MAGI2: variants seen among roughly 807,000 people sequenced by gnomAD.
MAGI2 encodes membrane associated guanylate kinase, WW and PDZ domain containing 2.
A neutral mutation model predicts 133.3 loss-of-function variants in MAGI2; 35 were observed. That is an observed-to-expected ratio of 0.26 (90% CI 0.20 to 0.35). MAGI2 has a LOEUF of 0.35. MAGI2 is among the 10% of genes least tolerant of loss of function. The pLI is 1.00. For synonymous variants in MAGI2, 729 were observed against 710.6 expected (o/e 1.03, Z -0.41); for missense variants, 1,636 against 1,863.4 (o/e 0.88, Z 2.25).
chr7:78,317,106 C>G (rs1391949998), intron 9 of MAGI2, among the ~76,000 whole-genome samples: 1 of 152,120 alleles, frequency 6.6e-6, no homozygotes, highest in Admixed American at 6.5e-5. Flanking sequence ...CTGCATAAAA[C>G]AACTATTGCA....
intron 9 of MAGI2, among the ~76,000 whole-genome samples, chr7:78,302,819 G>C (rs1168686950): frequency 6.6e-6 from 1 of 152,092 alleles, no homozygotes; most frequent in Non-Finnish European, 1.5e-5. Context: ...CCCCAATTCA[G>C]CTGATGGCAA....
chr7:78,240,318 CT>C (rs1440697763), intron 10 of MAGI2, among the ~76,000 whole-genome samples: 2 of 151,944 alleles, frequency 1.3e-5, no homozygotes, highest in African/African-American at 2.4e-5. Context: ...TGAACTCATC[CT>C]TTTTTATGGC....
At chr7:79,038,455 T>TTGA (rs1811320772) in intron 1 of MAGI2, among the ~76,000 whole-genome samples, 1 of 152,216 alleles carries the variant, frequency 6.6e-6, no homozygotes, top group East Asian at 1.9e-4. Context: ...TAGAAGCCTC[T>TTGA]TTCAGTTCAC....
intron 6 of MAGI2, among the ~76,000 whole-genome samples, chr7:78,488,393 G>A (rs4996259): frequency 0.33 from 50,410 of 151,922 alleles, 8,913 homozygotes; most frequent in African/African-American, 0.44. Context: ...AAAGGTGCAA[G>A]ACAGCTGAGA....
chr7:79,072,587 T>C (rs1815087364), intron 1 of MAGI2, among the ~76,000 whole-genome samples: 1 of 152,186 alleles, frequency 6.6e-6, no homozygotes. Flanking sequence ...CAGAAAATAT[T>C]GCTAGAAGAC....
In MAGI2 at chr7:79,333,041, C is replaced by T. The variant is rs961208417; in HGVS notation, c.301+119979G>A. The stretch of plus-strand genomic sequence containing the variant: ...CGTGATTTGTCAGTATAGCTCTCAT[C>T]CAGTCCCACTACTGCCCACTTCCTC... On this transcript the variant is annotated intron_variant, in intron 1 of 21. Coordinates refer to ENST00000354212, the MANE Select transcript of MAGI2 (RefSeq NM_012301.4). Among the ~76,000 whole-genome samples, 7 of 152,174 alleles carry T rather than the reference C, an allele frequency of 4.6e-5. No individual in the cohort carries two copies. In the South Asian group the frequency reaches 6.2e-4, roughly 14 times the overall value.
Position 78,256,080 on chromosome 7 carries a change from C to G in MAGI2, c.1910G>C (p.Cys637Ser), listed in dbSNP as rs1792941365. 1 of 1,613,714 alleles carries G rather than the reference C, an allele frequency of 6.2e-7. No homozygotes were observed. Among genetic ancestry groups the G allele is most frequent in the African/African-American group, 1.3e-5 (1 of 75,042 alleles). Residue 637 changes from cysteine to serine, a missense_variant, in exon 10 of 22, where the codon TGC becomes TCC. By Grantham distance (112) the Cys-to-Ser change is moderately radical. Coordinates refer to ENST00000354212, the MANE Select transcript of MAGI2 (RefSeq NM_012301.4). ...GAGGTCGCCTTCACACAGGCCAGGG[C>G]ATCCCTGAATGTCAAGTATTTGTTT... ...RVKQILDIQG[C>S]PGLCEGDLIV...
At chr7:78,761,339 T>A (rs1003280643) in intron 2 of MAGI2, among the ~76,000 whole-genome samples, 1 of 152,200 alleles carries the variant, frequency 6.6e-6, no homozygotes, top group South Asian at 2.1e-4. Flanking sequence ...TGTCTCTGAG[T>A]TATTAGCCAG....
At chr7:78,034,603 C>G (rs2428926) in intron 21 of MAGI2, among the ~76,000 whole-genome samples, 1 of 152,088 alleles carries the variant, frequency 6.6e-6, no homozygotes, top group Non-Finnish European at 1.5e-5. Flanking sequence ...TCTTGCCTCA[C>G]TGCAACCTCT....
chr7:78,229,757 C>G (rs576349829), intron 10 of MAGI2, among the ~76,000 whole-genome samples: 1 of 152,272 alleles, frequency 6.6e-6, no homozygotes, highest in South Asian at 2.1e-4. Context: ...TCTTACAAGA[C>G]CTCCAACCCA....
At chr7:79,422,613 A>C (rs2129180746) in intron 1 of MAGI2, among the ~76,000 whole-genome samples, 1 of 152,160 alleles carries the variant, frequency 6.6e-6, no homozygotes, top group African/African-American at 2.4e-5. Flanking sequence ...GCAATTTCAA[A>C]CAGTAAGGTA....
At chr7:78,166,625 T>A (rs1037813050) in intron 15 of MAGI2, among the ~76,000 whole-genome samples, 19 of 152,174 alleles carry the variant, frequency 1.2e-4, no homozygotes, top group African/African-American at 4.3e-4. Context: ...ATGGTCTAGT[T>A]TCTAGGGGGA....
chr7:78,960,246 G>A (rs1037554689), intron 2 of MAGI2, among the ~76,000 whole-genome samples: 2 of 152,046 alleles, frequency 1.3e-5, no homozygotes, highest in Non-Finnish European at 2.9e-5. Flanking sequence ...TACTAACTTG[G>A]ATTGGAATTT....
chr7:78,405,569 C>A (rs1043795038), intron 6 of MAGI2, among the ~76,000 whole-genome samples: 37 of 152,032 alleles, frequency 2.4e-4, no homozygotes, highest in African/African-American at 8.7e-4. Context: ...TTACGAAATA[C>A]TAGAGATACC....
intron 2 of MAGI2, among the ~76,000 whole-genome samples, chr7:78,892,333 C>T (rs1322302968): frequency 6.6e-6 from 1 of 152,090 alleles, no homozygotes; most frequent in African/African-American, 2.4e-5. Flanking sequence ...CAATGCCATC[C>T]CCATCAAGCC....
chr7:78,228,007 A>G (rs1233303745), intron 10 of MAGI2, among the ~76,000 whole-genome samples: 1 of 152,214 alleles, frequency 6.6e-6, no homozygotes, highest in Non-Finnish European at 1.5e-5. Flanking sequence ...CTCTGTTGCA[A>G]CTACTCAACT....
chr7:78,822,308 T>C (rs1423035089), intron 2 of MAGI2, among the ~76,000 whole-genome samples: 1 of 152,092 alleles, frequency 6.6e-6, no homozygotes, highest in Non-Finnish European at 1.5e-5. Context: ...AGCAGTAGGA[T>C]AGTAGTATCT....
chr7:78,307,139 T>C (rs543780493), intron 9 of MAGI2, among the ~76,000 whole-genome samples: 1 of 152,180 alleles, frequency 6.6e-6, no homozygotes, highest in Non-Finnish European at 1.5e-5. Context: ...CATAAATTCG[T>C]CTTTGTCAGT....
intron 6 of MAGI2, among the ~76,000 whole-genome samples, chr7:78,442,458 G>A (rs181015037): frequency 6.6e-6 from 1 of 152,246 alleles, no homozygotes; most frequent in East Asian, 1.9e-4. Flanking sequence ...CTTTGGAGAT[G>A]AAAATGGTGA....
Sources: gnomAD v4.1 joint callset for allele counts (sites outside exome capture counted in the v4.1 genomes callset) on GRCh38, gnomAD v4.1.1 for gene constraint, MANE v1.5 for transcripts, NCBI Gene and HGNC (gene_info 2026-07-23, HGNC 2026-07-21) for gene names.